Variants in PI4K2B observed in about 807,000 individuals in gnomAD.
PI4K2B encodes phosphatidylinositol 4-kinase type 2-beta.
A neutral mutation model predicts 56.6 loss-of-function variants in PI4K2B; 46 were observed. That is an observed-to-expected ratio of 0.81 (90% CI 0.64 to 1.04). The LOEUF (loss-of-function observed/expected upper bound fraction) is 1.04, where lower values mean the gene tolerates loss of function less well. Ranked by LOEUF, PI4K2B falls within the 50% of genes least tolerant of loss-of-function variation. PI4K2B has a pLI of 0.00. For synonymous variants in PI4K2B, 211 were observed against 223.8 expected, an observed-to-expected ratio of 0.94 and a Z score of 0.51; for missense variants, 556 against 607.7, an observed-to-expected ratio of 0.91 and a Z score of 0.89.
At chr4:25,263,724 C>A in intron 6 of PI4K2B, 26 bp from the exon 7 acceptor site, 1 of 827,276 alleles carries the variant, frequency 1.2e-6, no homozygotes, top group South Asian at 1.6e-5. Flanking sequence ...GTTCTTTTAT[C>A]AACATATCAT....
chr4:25,250,971 C>G (rs1477583736), intron 1 of PI4K2B, among the ~76,000 whole-genome samples: 1 of 151,678 alleles, frequency 6.6e-6, no homozygotes, highest in Non-Finnish European at 1.5e-5. Context: ...GAGGTGCCAG[C>G]AACTGCAATA....
chr4:25,260,179 G>A (rs546598446), intron 5 of PI4K2B, among the ~76,000 whole-genome samples: 16 of 152,120 alleles, frequency 1.1e-4, no homozygotes, highest in Non-Finnish European at 1.8e-4. Context: ...TAGAAATAGG[G>A]GGTTAATGCT....
chr4:25,241,054 G>T (rs1715495915), intron 1 of PI4K2B, among the ~76,000 whole-genome samples: 1 of 152,170 alleles, frequency 6.6e-6, no homozygotes, highest in Admixed American at 6.5e-5. Context: ...ACCCCCTTGG[G>T]TTTTTTGCAC....
chr4:25,278,275 T>C lies in PI4K2B; in HGVS notation c.*1088T>C, dbSNP rs1344964605. On this transcript the variant is annotated 3_prime_UTR_variant, in exon 10 of 10. Coordinates refer to ENST00000264864, the MANE Select transcript of PI4K2B (RefSeq NM_018323.4). ...AATATCATCCATATGTCTGACATTA[T>C]TGGAATTTGTAACATTGTTAATGCA... The C allele has an allele frequency of 6.6e-6, 1 of 152,198 alleles. No homozygotes were observed. Among genetic ancestry groups the C allele is most frequent in the African/African-American group, 2.4e-5 (1 of 41,458 alleles). The allele number at this position is 152,198 out of a possible 1,614,324, so 9.4% of individuals were successfully genotyped here.
At chr4:25,256,738 G>A (rs1716276850) in intron 4 of PI4K2B, 64 bp downstream of exon 4, 4 of 1,434,184 alleles carry the variant, frequency 2.8e-6, no homozygotes, top group Non-Finnish European at 3.9e-6. Context: ...AGCTCTAGGA[G>A]CCAGGCATTG....
At chr4:25,242,615 T>G (rs1715575928) in intron 1 of PI4K2B, among the ~76,000 whole-genome samples, 1 of 152,228 alleles carries the variant, frequency 6.6e-6, no homozygotes, top group African/African-American at 2.4e-5. Context: ...CACTGACCAT[T>G]CAGTTTTTGT....
intron 7 of PI4K2B, among the ~76,000 whole-genome samples, chr4:25,265,979 T>C (rs1716650702): frequency 6.6e-6 from 1 of 152,148 alleles, no homozygotes; most frequent in East Asian, 1.9e-4. Context: ...ATTTTTTGCT[T>C]TGTATTTCAC....
intron 8 of PI4K2B, among the ~76,000 whole-genome samples, chr4:25,268,788 A>G (rs1314594898): frequency 6.6e-6 from 1 of 152,222 alleles, no homozygotes; most frequent in Non-Finnish European, 1.5e-5. Context: ...AGACTACATT[A>G]AAACTTAATT....
chr4:25,250,853 T>A (rs1236642940), intron 1 of PI4K2B, among the ~76,000 whole-genome samples: 1 of 152,150 alleles, frequency 6.6e-6, no homozygotes, highest in Non-Finnish European at 1.5e-5. Flanking sequence ...GGATTCTGGG[T>A]ATTTATTTAA....
At chr4:25,251,851 C>G (rs766154676) in intron 1 of PI4K2B, among the ~76,000 whole-genome samples, 19 of 151,346 alleles carry the variant, frequency 1.3e-4, no homozygotes, top group South Asian at 2.1e-4. Flanking sequence ...TGGACGGTGT[C>G]TCGCTCTTAT....
intron 7 of PI4K2B, among the ~76,000 whole-genome samples, chr4:25,266,999 C>A (rs936720106): frequency 1.3e-5 from 2 of 152,090 alleles, no homozygotes; most frequent in African/African-American, 4.8e-5. Flanking sequence ...GGAGGAAAAA[C>A]TAGCAAAAGA....
At chr4:25,254,943 T>C (rs1280568435) in intron 2 of PI4K2B, 122 bp from the exon 3 acceptor site, 8 of 647,744 alleles carry the variant, frequency 1.2e-5, no homozygotes, top group Non-Finnish European at 2.2e-5. Flanking sequence ...TCTTAATAGT[T>C]TGGGGATTTA....
intron 9 of PI4K2B, among the ~76,000 whole-genome samples, chr4:25,272,511 T>C (rs924350814): frequency 2.6e-5 from 4 of 152,092 alleles, no homozygotes; most frequent in Non-Finnish European, 4.4e-5. Context: ...TAAAAAAAAG[T>C]TGGTCTAAGG....
intron 9 of PI4K2B, among the ~76,000 whole-genome samples, chr4:25,271,053 C>T (rs1716869551): frequency 6.6e-6 from 1 of 152,136 alleles, no homozygotes; most frequent in South Asian, 2.1e-4. Flanking sequence ...TTTTGCTCTG[C>T]AGAGAAGGCC....
At chr4:25,272,852 G>C (rs1054300014) in intron 9 of PI4K2B, among the ~76,000 whole-genome samples, 1 of 149,840 alleles carries the variant, frequency 6.7e-6, no homozygotes, top group African/African-American at 2.5e-5. Context: ...AACAGAGAAA[G>C]ACCTTGTCTC....
At chr4:25,274,937 A>G (rs1044982454) in intron 9 of PI4K2B, among the ~76,000 whole-genome samples, 1 of 152,158 alleles carries the variant, frequency 6.6e-6, no homozygotes, top group African/African-American at 2.4e-5. Flanking sequence ...CTGGGATTAC[A>G]GGCATGTGCC....
chr4:25,244,538 A>G (rs893645152), intron 1 of PI4K2B, among the ~76,000 whole-genome samples: 7 of 152,234 alleles, frequency 4.6e-5, no homozygotes, highest in Admixed American at 2.0e-4. Flanking sequence ...CCCATCAGAG[A>G]GAGAATATTG....
At position 25,256,644 on chromosome 4, in the gene PI4K2B, A is replaced by C. The variant is rs1015880854; in HGVS notation, c.726A>C (p.Arg242Ser). ...YALEKVPKVG[R>S]KFHRIGLPPK... ...TAGAAAAAGTGCCAAAAGTGGGTAG[A>C]AAGTTTCATAGGATAGGACTCCCTC... Residue 242 changes from arginine (R) to serine (S), a missense_variant, in exon 4 of 10, where the codon AGA becomes AGC. By Grantham distance (110) the Arg-to-Ser change is moderately radical (BLOSUM62 -1). Transcript: ENST00000264864. 6.2e-7 allele frequency: 1 copy of C among 1,613,892 alleles called. No individual in the cohort carries two copies. Among genetic ancestry groups the C allele is most frequent in the African/African-American group, 1.3e-5 (1 of 74,908 alleles).
At chr4:25,240,209 C>T (rs36075205) in intron 1 of PI4K2B, among the ~76,000 whole-genome samples, 6,434 of 152,204 alleles carry the variant, frequency 0.042, 189 homozygotes, top group East Asian at 0.15. Context: ...TTCCTGTAAA[C>T]ACCAGGTGGC....
Sources: gnomAD v4.1 joint callset for allele counts (sites outside exome capture counted in the v4.1 genomes callset) on GRCh38, gnomAD v4.1.1 for gene constraint, MANE v1.5 for transcripts, NCBI Gene and HGNC (gene_info 2026-07-23, HGNC 2026-07-21) for gene names.